Variants in HMCN2 observed in about 807,000 individuals in gnomAD.
The protein encoded by HMCN2 is hemicentin 2, also known as hemicentin-2.
HMCN2 carries 325 observed loss-of-function variants against 377.5 expected under a neutral mutation model. The ratio of observed to expected loss-of-function variants is 0.86; its 90% CI spans 0.79 to 0.94. The LOEUF is 0.94. Ranked by LOEUF, HMCN2 falls within the 40% of genes least tolerant of loss-of-function variation. The probability of loss-of-function intolerance (pLI) is 0.00; values close to 1 mark genes in which losing one functional copy is unlikely to be tolerated. For synonymous variants in HMCN2, 2,007 were observed against 2,046.8 expected (o/e 0.98, Z 0.53); for missense variants, 4,543 against 4,725.3 (o/e 0.96, Z 1.13).
chr9:130,386,337 G>A, intron 60 of HMCN2, 106 bp from the exon 61 acceptor site: 1 of 508,778 alleles, frequency 2.0e-6, no homozygotes, highest in Non-Finnish European at 3.2e-6. Context: ...AGCATATTTG[G>A]GAGGCCCCTG....
intron 16 of HMCN2, among the ~76,000 whole-genome samples, chr9:130,319,911 A>G (rs1588236392): frequency 6.6e-6 from 1 of 151,908 alleles, no homozygotes; most frequent in Non-Finnish European, 1.5e-5. Flanking sequence ...TCTACTACCC[A>G]CCTGGCTGAT....
chr9:130,342,030 A>AATAC (rs1839080201), intron 24 of HMCN2, among the ~76,000 whole-genome samples: 1 of 148,258 alleles, frequency 6.7e-6, no homozygotes, highest in South Asian at 2.1e-4. Context: ...TAAATAAATA[A>AATAC]ATAAATAAAT....
Position 130,428,605 on chromosome 9 carries a change from C to G in HMCN2, c.14197+116C>G. ...CTCTGGGCTTCCAGGAAGACTGGGA[C>G]TCTTGGCAGAAGGAGTACAGCAAGG... On this transcript the variant is annotated intron_variant, in intron 93 of 97. Coordinates refer to ENST00000683500, the MANE Select transcript of HMCN2 (RefSeq NM_001291815.2). This position sits in a 1 kb window ranked among gnomAD's most constrained non-coding sequence, Gnocchi z 5.0. The G allele has an allele frequency of 7.3e-7, 1 of 1,372,054 alleles. No homozygotes were observed. The highest frequency in any genetic ancestry group is 2.5e-5 in the East Asian group (1 of 39,500). The allele number at this position is 1,372,054 out of a possible 1,614,324, so 85.0% of individuals were successfully genotyped here. A position where few individuals can be genotyped will look rare whatever the true frequency, so the allele number is the denominator to read the frequency against.
Position 130,428,350 on chromosome 9 carries a change from GC to G in HMCN2, c.14066-3del. ...TTCACACAGCCGTCTGCCCTGATCT[GC>G]CCCCAGATGTGGACGAGTGTGCGTG... On this transcript the variant is annotated splice_polypyrimidine_tract_variant and splice_region_variant and intron_variant, in intron 92 of 97. Transcript: ENST00000683500. The surrounding 1 kb of genome is among the most constrained non-coding windows in gnomAD (Gnocchi z 5.0). The G allele has an allele frequency of 1.3e-6, 2 of 1,543,302 alleles. No homozygotes were observed.
At chr9:130,279,886 G>C (rs1835016266) in intron 1 of HMCN2, among the ~76,000 whole-genome samples, 1 of 152,236 alleles carries the variant, frequency 6.6e-6, no homozygotes, top group South Asian at 2.1e-4. Flanking sequence ...GGATTATCCA[G>C]GTGAGCCCTT....
rs1054063059 is a variant in HMCN2 at position 130,361,654 on chromosome 9, G to A, written c.5951-354G>A. 1.3e-5 allele frequency among the ~76,000 whole-genome samples: 2 copies of A among 152,224 alleles called. No homozygotes were observed. The highest frequency in any genetic ancestry group is 1.3e-4 in the Admixed American group (2 of 15,288). On this transcript the variant is annotated intron_variant, in intron 38 of 97. Coordinates refer to ENST00000683500, the MANE Select transcript of HMCN2 (RefSeq NM_001291815.2). The surrounding 1 kb of genome is among the most constrained non-coding windows in gnomAD (Gnocchi z 4.8). Reference sequence around the variant, plus strand: ...ATGGTATTTCATCTCACACCCCTGAGTTAGGAAGTAGCACTGTCCAGGGAC... The same window carrying A: ...ATGGTATTTCATCTCACACCCCTGAATTAGGAAGTAGCACTGTCCAGGGAC...
At chr9:130,310,158 G>T in intron 15 of HMCN2, 97 bp downstream of exon 15, 1 of 391,816 alleles carries the variant, frequency 2.6e-6, no homozygotes, top group South Asian at 2.0e-5. Flanking sequence ...TCACACAAGT[G>T]GCCAGTGTAG....
At chr9:130,331,571 C>A (rs1838429317) in intron 22 of HMCN2, among the ~76,000 whole-genome samples, 2 of 151,428 alleles carry the variant, frequency 1.3e-5, no homozygotes, top group Non-Finnish European at 3.0e-5. Context: ...CCAGCTTCAC[C>A]CCAGCTCGCC....
intron 8 of HMCN2, among the ~76,000 whole-genome samples, chr9:130,301,305 C>T (rs1836494607): frequency 6.6e-6 from 1 of 152,274 alleles, no homozygotes; most frequent in African/African-American, 2.4e-5. Flanking sequence ...GAGGGAATAA[C>T]AGCCTCTATT....
Position 130,394,640 on chromosome 9 carries a change from C to T in HMCN2, c.10692+65C>T. 3.4e-6 allele frequency: 4 copies of T among 1,184,916 alleles called. No homozygotes were observed. Among genetic ancestry groups the T allele is most frequent in the Non-Finnish European group, 4.3e-6 (4 of 919,776 alleles). 73.4% of individuals were successfully genotyped at this position (1,184,916 alleles called of 1,614,324 possible). On this transcript the variant is annotated intron_variant, in intron 69 of 97. Transcript: ENST00000683500. This position sits in a 1 kb window ranked among gnomAD's most constrained non-coding sequence, Gnocchi z 5.1. ...GGGAGAGGGGAGGGACTGCAGGTTC[C>T]CCAGACCCAGTGGGCAGTTGACAAA...
Position 130,357,900 on chromosome 9 carries a change from T to G in HMCN2, c.5492T>G (p.Leu1831Arg). The change falls in exon 35 of 98, where the codon CTC becomes CGC. Residue 1831 changes from leucine to arginine, a missense_variant. Leu to Arg is a moderately radical substitution (Grantham distance 102, BLOSUM62 -2). Transcript: ENST00000683500. ...GCTCCTTTCCTGCAGCCTGTGACCC[T>G]CCAGTGCATAGGGGATGGGGTGCCC... ...ITAPFLQPVT[L>R]QCIGDGVPTP... 1.5e-6 allele frequency: 2 copies of G among 1,304,088 alleles called. No individual in the cohort carries two copies. The highest frequency in any genetic ancestry group is 2.0e-6 in the Non-Finnish European group (2 of 988,818). The allele number at this position is 1,304,088 out of a possible 1,614,324, so 80.8% of individuals were successfully genotyped here.
At chr9:130,372,022 C>T (rs1037543778) in intron 46 of HMCN2, among the ~76,000 whole-genome samples, 4 of 152,218 alleles carry the variant, frequency 2.6e-5, no homozygotes, top group Non-Finnish European at 4.4e-5. Context: ...TCCAGCCAAT[C>T]CCCAGAGCCA....
At chr9:130,382,642 T>C in intron 55 of HMCN2, 37 bp from the exon 56 acceptor site, 11 of 374,168 alleles carry the variant, frequency 2.9e-5, no homozygotes, top group Non-Finnish European at 4.0e-5. Context: ...CCCAGGGACC[T>C]GTGCCAGCCC....
chr9:130,288,103 G>A (rs1554928664), intron 4 of HMCN2, among the ~76,000 whole-genome samples: 1 of 152,200 alleles, frequency 6.6e-6, no homozygotes, highest in African/African-American at 2.4e-5. Context: ...TGCTCCTGGG[G>A]AGAACTATCT....
At position 130,433,431 on chromosome 9, in the gene HMCN2, G is replaced by T. The variant is rs769432528; in HGVS notation, c.14978G>T (p.Gly4993Val). The change falls in exon 98 of 98, where the codon GGC becomes GTC. Residue 4993 changes from glycine to valine, a missense_variant. Gly to Val is a moderately radical substitution (Grantham distance 109). This residue lies in a region of HMCN2 where 1,155 missense variants were observed against 1,157.7 expected (regional missense o/e 1.00). Transcript: ENST00000683500. ...LQYRLLPLPL[G>V]VRAHHDVARL... ...TACCGGCTGCTGCCGCTGCCCCTGG[G>T]CGTGCGCGCCCACCACGACGTGGCC... The T allele has an allele frequency of 1.3e-6, 2 of 1,493,554 alleles. No homozygotes were observed. Among genetic ancestry groups the T allele is most frequent in the South Asian group, 1.3e-5 (1 of 79,374 alleles). 92.5% of individuals were successfully genotyped at this position (1,493,554 alleles called of 1,614,324 possible).
rs116957374 is a variant in HMCN2, at chr9:130,372,411, C to T, written c.7351+4C>T. 8.3e-5 allele frequency: 81 copies of T among 975,954 alleles called. No individual in the cohort carries two copies. In the East Asian group the frequency reaches 5.4e-3, roughly 65 times the overall value. The allele number at this position is 975,954 out of a possible 1,614,324, so 60.5% of individuals were successfully genotyped here. ...AACTTCAGTGTGGAGGTGCTGGGTG[C>T]GTTACAACCCCATTCTCATGGGTGC... On this transcript the variant is annotated splice_donor_region_variant and intron_variant, in intron 47 of 97. Transcript: ENST00000683500.
intron 95 of HMCN2, chr9:130,430,979 C>CA (rs1403444041): frequency 6.7e-6 from 2 of 297,258 alleles, no homozygotes; most frequent in Admixed American, 1.2e-4. Flanking sequence ...TCCAGGTAGA[C>CA]ATGAGAATGT....
Position 130,286,296 on chromosome 9 carries a change from C to G in HMCN2, c.598C>G (p.Gln200Glu), listed in dbSNP as rs2131282398. The G allele has an allele frequency of 2.1e-6, 1 of 471,046 alleles. No individual in the cohort carries two copies. Among genetic ancestry groups the G allele is most frequent in the Non-Finnish European group, 4.4e-6 (1 of 227,066 alleles). The allele number at this position is 471,046 out of a possible 1,614,324, so 29.2% of individuals were successfully genotyped here. ...SSGQVFHLDK[Q>E]QVTEVLKWVE... is the part of the protein sequence containing the mutation. The stretch of plus-strand genomic sequence containing the variant: ...TGGGCAGGTGTTCCACCTGGACAAG[C>G]AGCAAGTGACAGAGGTGAGCACTGG... Residue 200 changes from glutamine (Q) to glutamate (E), a missense_variant, in exon 4 of 98, where the codon CAG (glutamine) becomes GAG (glutamate). Physicochemically the swap from Gln to Glu is conservative, Grantham distance 29. Coordinates refer to ENST00000683500, the MANE Select transcript of HMCN2 (RefSeq NM_001291815.2).
At chr9:130,363,482 A>C (rs780112004) in intron 40 of HMCN2, among the ~76,000 whole-genome samples, 1 of 152,044 alleles carries the variant, frequency 6.6e-6, no homozygotes. Flanking sequence ...GCTTATTTTT[A>C]AATGTCCTCC....
Sources: gnomAD v4.1 joint callset for allele counts (sites outside exome capture counted in the v4.1 genomes callset) on GRCh38, gnomAD v4.1.1 for gene constraint, gnomAD v4.1.1 regional missense constraint, Gnocchi (gnomAD v3.1) non-coding constraint, MANE v1.5 for transcripts, NCBI Gene and HGNC (gene_info 2026-07-23, HGNC 2026-07-21) for gene names.